Variants in MIS18BP1 observed in about 807,000 individuals in gnomAD.
MIS18BP1 encodes MIS18 binding protein 1.
MIS18BP1 carries 72 observed loss-of-function variants against 116.1 expected under a neutral mutation model. The ratio of observed to expected loss-of-function variants is 0.62; its 90% CI spans 0.51 to 0.75. The LOEUF (loss-of-function observed/expected upper bound fraction) is 0.75. MIS18BP1 is among the 30% of genes least tolerant of loss of function. The pLI is 0.00. For missense variants in MIS18BP1, 1,363 were observed against 1,303.2 expected (o/e 1.05, Z -0.71); for synonymous variants, 386 against 427.0 (o/e 0.90, Z 1.18).
chr14:45,217,995 G>A (rs938799871), intron 12 of MIS18BP1, among the ~76,000 whole-genome samples: 2 of 152,020 alleles, frequency 1.3e-5, no homozygotes, highest in Non-Finnish European at 2.9e-5. Flanking sequence ...TGACCCAAGT[G>A]GTCTTTAATT....
In MIS18BP1 at chr14:45,212,267, A is replaced by G. The variant is rs944706847; in HGVS notation, c.3004-1739T>C. The stretch of plus-strand genomic sequence containing the variant: ...CTCTCTCTCTTCCTCCATCTTTTCT[A>G]TTCCTCCCAGCTCCATCCCACTGAC... On this transcript the variant is annotated intron_variant, in intron 13 of 16. Transcript: ENST00000310806. Among the ~76,000 whole-genome samples, 7 of 151,842 alleles carry G rather than the reference A, an allele frequency of 4.6e-5. No individual in the cohort carries two copies. In the East Asian group the frequency reaches 5.8e-4, roughly 13 times the overall value.
intron 13 of MIS18BP1, among the ~76,000 whole-genome samples, chr14:45,215,261 T>C (rs1890783972): frequency 6.6e-6 from 1 of 152,186 alleles, no homozygotes; most frequent in Non-Finnish European, 1.5e-5. Context: ...TATTAAACTT[T>C]ATAAAGCATT....
At chr14:45,210,103 T>G in intron 14 of MIS18BP1, 1 of 250,884 alleles carries the variant, frequency 4.0e-6, no homozygotes, top group East Asian at 8.7e-5. Context: ...TCTCCAAGGT[T>G]TCTTTAGTTT....
chr14:45,226,467 G>GT (rs988152480), intron 10 of MIS18BP1, among the ~76,000 whole-genome samples: 2 of 152,028 alleles, frequency 1.3e-5, no homozygotes, highest in African/African-American at 4.8e-5. Context: ...ACACATTCCT[G>GT]TAAGCATATG....
intron 3 of MIS18BP1, 60 bp from the exon 4 acceptor site, chr14:45,242,578 A>G (rs1594526007): frequency 6.6e-7 from 1 of 1,518,712 alleles, no homozygotes; most frequent in Non-Finnish European, 8.8e-7. Context: ...CAGGAAATTA[A>G]AAGAGATAAA....
intron 2 of MIS18BP1, among the ~76,000 whole-genome samples, chr14:45,245,817 C>T (rs1000172149): frequency 9.2e-5 from 14 of 152,196 alleles, no homozygotes; most frequent in African/African-American, 3.1e-4. Flanking sequence ...CCCCAATGTA[C>T]TTTTCTCACC....
intron 8 of MIS18BP1, among the ~76,000 whole-genome samples, chr14:45,229,959 C>T (rs908602038): frequency 2.0e-5 from 3 of 152,164 alleles, no homozygotes; most frequent in African/African-American, 7.2e-5. Context: ...GGGAAGCAGT[C>T]ATCTACATAT....
At chr14:45,237,547 G>A in intron 5 of MIS18BP1, 101 bp downstream of exon 5, 5 of 1,388,976 alleles carry the variant, frequency 3.6e-6, no homozygotes, top group South Asian at 1.4e-5. Flanking sequence ...AACCTTGTTA[G>A]GTCTTTGCTT....
intron 8 of MIS18BP1, 93 bp downstream of exon 8, chr14:45,231,048 A>C: frequency 2.3e-6 from 3 of 1,325,104 alleles, no homozygotes; most frequent in Non-Finnish European, 3.1e-6. Context: ...TATACTATAC[A>C]CATTACTACT....
intron 13 of MIS18BP1, among the ~76,000 whole-genome samples, chr14:45,213,244 C>T (rs1890724886): frequency 6.6e-6 from 1 of 152,098 alleles, no homozygotes; most frequent in African/African-American, 2.4e-5. Context: ...GTGGTTTCTG[C>T]AGACCCGTAT....
In MIS18BP1 at chr14:45,237,713, C is replaced by G; in HGVS notation, c.1152G>C (p.Gln384His). The G allele has an allele frequency of 6.2e-7, 1 of 1,601,064 alleles. No individual in the cohort carries two copies. The highest frequency in any genetic ancestry group is 8.5e-7 in the Non-Finnish European group (1 of 1,175,436). The change falls in exon 5 of 17, where the codon CAG becomes CAC. Residue 384 changes from glutamine (Q) to histidine (H), a missense_variant. Gln to His is a conservative substitution (Grantham distance 24, BLOSUM62 0). Transcript: ENST00000310806. ...TNGLKKNQVV[Q>H]LQEWMIKSIN... ...TGCTTTTAATCATCCATTCCTGTAG[C>G]TGAACTACCTAATCAAGTATAAAAC...
chr14:45,230,880 C>T (rs963132257), intron 8 of MIS18BP1, among the ~76,000 whole-genome samples: 1 of 152,128 alleles, frequency 6.6e-6, no homozygotes, highest in African/African-American at 2.4e-5. Flanking sequence ...TTCAGCCTCC[C>T]AAAGTGCTGG....
Position 45,239,187 on chromosome 14 carries a change from T to C in MIS18BP1, c.1144-1466A>G, listed in dbSNP as rs114031953. 4.9e-3 allele frequency among the ~76,000 whole-genome samples: 753 copies of C among 152,204 alleles called. 8 individuals carry two copies. The highest frequency in any genetic ancestry group is 0.018 in the African/African-American group (732 of 41,524). On this transcript the variant is annotated intron_variant, in intron 4 of 16. Coordinates refer to ENST00000310806, the MANE Select transcript of MIS18BP1 (RefSeq NM_018353.5). ...GAGTTCTACACACTGTTTTAGATAG[T>C]GGAGATTGAGTGAGAAAGTAAACAG...
intron 15 of MIS18BP1, among the ~76,000 whole-genome samples, chr14:45,205,560 A>G (rs1195956952): frequency 6.6e-6 from 1 of 152,186 alleles, no homozygotes; most frequent in Non-Finnish European, 1.5e-5. Context: ...AGATCATTCT[A>G]TTAAGGCATC....
Position 45,247,049 on chromosome 14 carries a change from G to A in MIS18BP1, c.238C>T (p.Leu80=). 2 of 1,613,256 alleles carry A rather than the reference G, an allele frequency of 1.2e-6. 1 individual carries two copies. Residue 80 remains leucine, a synonymous_variant, in exon 2 of 17, where the codon CTA becomes TTA. Transcript: ENST00000310806. The part of the protein sequence containing the change: ...NNKNIFQSTM[L]TEATTSNSSL... Reference sequence around the variant, plus strand: ...CTGTTAGAGGTAGTAGCCTCTGTTAGCATAGTTGATTGAAATATATTTTTA... The same window carrying A: ...CTGTTAGAGGTAGTAGCCTCTGTTAACATAGTTGATTGAAATATATTTTTA...
chr14:45,231,282 T>A lies in MIS18BP1; in HGVS notation c.1453A>T (p.Arg485Trp), dbSNP rs1001442618. Residue 485 changes from arginine to tryptophan, a missense_variant, in exon 8 of 17, where the codon AGG (arginine) becomes TGG (tryptophan). Coordinates refer to ENST00000310806, the MANE Select transcript of MIS18BP1 (RefSeq NM_018353.5). ...TTCTGTTTTTGTTTGGTCTTTTCCCTGTTCTTTTCACCAGCCCTTTAAAAA... is the reference window on the plus strand; with the variant it reads ...TTCTGTTTTTGTTTGGTCTTTTCCCAGTTCTTTTCACCAGCCCTTTAAAAA... ...LEQLRAGEKN[R>W]EKTKQKQKTG... 6.2e-7 allele frequency: 1 copy of A among 1,602,284 alleles called. No homozygotes were observed. Among genetic ancestry groups the A allele is most frequent in the Non-Finnish European group, 8.5e-7 (1 of 1,174,994 alleles).
intron 1 of MIS18BP1, among the ~76,000 whole-genome samples, chr14:45,251,053 A>AAT (rs973379763): frequency 6.6e-6 from 1 of 151,264 alleles, no homozygotes; most frequent in African/African-American, 2.4e-5. Flanking sequence ...AAAAAAAAAA[A>AAT]AAAAGGGCTG....
rs1890435155 is a variant in MIS18BP1 at position 45,203,914 on chromosome 14, A to C, written c.*195T>G. On this transcript the variant is annotated 3_prime_UTR_variant, in exon 17 of 17. Transcript: ENST00000310806. Reference sequence around the variant, plus strand: ...TTTACAGATATCTACACGAGCAAAAACAATTTTCTTTACATTTTTAGTAAG... The same window carrying C: ...TTTACAGATATCTACACGAGCAAAACCAATTTTCTTTACATTTTTAGTAAG... The C allele has an allele frequency of 1.7e-5, 11 of 637,882 alleles. No individual in the cohort carries two copies. The highest frequency in any genetic ancestry group is 2.5e-5 in the Non-Finnish European group (11 of 442,386). 39.5% of individuals were successfully genotyped at this position (637,882 alleles called of 1,614,324 possible).
intron 2 of MIS18BP1, among the ~76,000 whole-genome samples, chr14:45,245,291 C>CTT (rs1345787864): frequency 6.6e-5 from 10 of 152,126 alleles, no homozygotes; most frequent in Non-Finnish European, 1.5e-4. Context: ...ATTCTCTTGG[C>CTT]TTTCACAGTA....
Sources: gnomAD v4.1 joint callset for allele counts (sites outside exome capture counted in the v4.1 genomes callset) on GRCh38, gnomAD v4.1.1 for gene constraint, MANE v1.5 for transcripts, NCBI Gene and HGNC (gene_info 2026-07-23, HGNC 2026-07-21) for gene names.